VAPA: variants seen among roughly 807,000 people sequenced by gnomAD.
The protein encoded by VAPA is VAMP associated protein A, also known as vesicle-associated membrane protein-associated protein A.
VAPA carries 6 observed loss-of-function variants against 25.6 expected under a neutral mutation model. That is an observed-to-expected ratio of 0.23 (90% CI 0.13 to 0.46). The LOEUF is 0.46. Ranked by LOEUF, VAPA falls within the 20% of genes least tolerant of loss-of-function variation. VAPA has a pLI of 0.99. For synonymous variants in VAPA, 112 were observed against 106.2 expected (o/e 1.05, Z -0.34); for missense variants, 244 against 302.1 (o/e 0.81, Z 1.43).
In VAPA at chr18:9,943,841, CTTTTTTTTTTTTTTTTTTT is replaced by C. The variant is rs71169911; in HGVS notation, c.418-6535_418-6517del. Among the ~76,000 whole-genome samples the C allele has an allele frequency of 5.0e-3, 257 of 51,758 alleles. 3 individuals carry two copies. The highest frequency in any genetic ancestry group is 0.012 in the African/African-American group (189 of 15,562). The allele number at this position is 51,758 out of a possible 152,430, so 34.0% of individuals were successfully genotyped here. ...TGACATTTGAAGGTGACATATTTCC[CTTTTTTTTTTTTTTTTTTT>C]TTTTTTTTTTTTTTTTTTGAGACAG... On this transcript the variant is annotated intron_variant, in intron 4 of 5. Coordinates refer to ENST00000400000, the MANE Select transcript of VAPA (RefSeq NM_194434.3).
At chr18:9,943,944 G>A (rs1288247537) in intron 4 of VAPA, among the ~76,000 whole-genome samples, 7 of 133,630 alleles carry the variant, frequency 5.2e-5, no homozygotes, top group South Asian at 2.5e-4. Flanking sequence ...CACTGTAAGC[G>A]CCGCCTCCCG....
At chr18:9,925,093 C>T (rs2069189392) in intron 1 of VAPA, 1 of 152,046 alleles carries the variant, frequency 6.6e-6, no homozygotes, top group Non-Finnish European at 1.5e-5. Flanking sequence ...GACATGGTCC[C>T]TTCCGGTTGG....
chr18:9,917,027 T>TA lies in VAPA; in HGVS notation c.79+2700dup, dbSNP rs140263554. Among the ~76,000 whole-genome samples the TA allele has an allele frequency of 1.7e-3, 262 of 152,224 alleles. 1 individual carries two copies. Among genetic ancestry groups the TA allele is most frequent in the African/African-American group, 5.9e-3 (247 of 41,536 alleles). ...ACATTTTTCTGTATACCTCAGTATT[T>TA]AAAAAAAAGTTTGTTTTATACAGTC... On this transcript the variant is annotated intron_variant, in intron 1 of 5. Transcript: ENST00000400000.
rs1264985111 is a variant in VAPA, at chr18:9,930,018, A to G, written c.80-1792A>G. Among the ~76,000 whole-genome samples, 6 of 152,290 alleles carry G rather than the reference A, an allele frequency of 3.9e-5. No individual in the cohort carries two copies. The South Asian group carries it at 6.2e-4, about 16-fold the overall frequency. ...TATCGTGAAATGTAAATACTATTTC[A>G]GAATTCGTACAACTCTTGTAGAGTT... On this transcript the variant is annotated intron_variant, in intron 1 of 5. Transcript: ENST00000400000.
chr18:9,936,315 AT>A, intron 3 of VAPA, 102 bp downstream of exon 3: 2 of 725,930 alleles, frequency 2.8e-6, no homozygotes, highest in Non-Finnish European at 4.2e-6. Flanking sequence ...TAAAAGTTAA[AT>A]TTAGGTTTTT....
At chr18:9,945,514 C>T (rs368268706) in intron 4 of VAPA, among the ~76,000 whole-genome samples, 1 of 151,834 alleles carries the variant, frequency 6.6e-6, no homozygotes, top group African/African-American at 2.4e-5. Context: ...CACGTGCCAC[C>T]ATGCCTGGCT....
chr18:9,922,447 G>A (rs953237428), intron 1 of VAPA, among the ~76,000 whole-genome samples: 1 of 152,008 alleles, frequency 6.6e-6, no homozygotes, highest in South Asian at 2.1e-4. Context: ...CTATTACAAA[G>A]AACAAAATCA....
At chr18:9,929,071 T>C (rs988237563) in intron 1 of VAPA, among the ~76,000 whole-genome samples, 1 of 152,172 alleles carries the variant, frequency 6.6e-6, no homozygotes, top group Admixed American at 6.5e-5. Context: ...GTATGATGAG[T>C]GGCATTGCTA....
chr18:9,922,560 A>G (rs948276653), intron 1 of VAPA, among the ~76,000 whole-genome samples: 34 of 152,152 alleles, frequency 2.2e-4, no homozygotes, highest in African/African-American at 7.5e-4. Context: ...AGGCCAGCCA[A>G]TATATATGCT....
rs1374545333 is a variant in VAPA at position 9,954,839 on chromosome 18, C to G, written c.*628C>G. 6.6e-6 allele frequency: 1 copy of G among 152,582 alleles called. No individual in the cohort carries two copies. The highest frequency in any genetic ancestry group is 1.5e-5 in the Non-Finnish European group (1 of 68,040). The allele number at this position is 152,582 out of a possible 1,614,324, so 9.5% of individuals were successfully genotyped here. Reference sequence around the variant, plus strand: ...TTCTTGCTCGATAGCTTGTTTGTGTCTGTCGTGTTATTAGAGGGAACTCCA... The same window carrying G: ...TTCTTGCTCGATAGCTTGTTTGTGTGTGTCGTGTTATTAGAGGGAACTCCA... On this transcript the variant is annotated 3_prime_UTR_variant, in exon 6 of 6. Coordinates refer to ENST00000400000, the MANE Select transcript of VAPA (RefSeq NM_194434.3).
chr18:9,941,980 TTTGACCC>T (rs2069370539), intron 4 of VAPA, among the ~76,000 whole-genome samples: 1 of 152,222 alleles, frequency 6.6e-6, no homozygotes, highest in African/African-American at 2.4e-5. Flanking sequence ...TTTGAGATCT[TTTGACCC>T]TTTATTTTAG....
chr18:9,916,594 G>A (rs149722078), intron 1 of VAPA, among the ~76,000 whole-genome samples: 132 of 152,290 alleles, frequency 8.7e-4, no homozygotes, highest in African/African-American at 3.1e-3. Context: ...GACATTTGGT[G>A]TTTGATTCCT....
intron 4 of VAPA, among the ~76,000 whole-genome samples, chr18:9,939,646 C>G (rs74880944): frequency 0.027 from 4,039 of 151,706 alleles, 64 homozygotes; most frequent in Middle Eastern, 0.071. Context: ...TTTCCCTGTC[C>G]CTGGTATTTC....
At chr18:9,943,964 C>T (rs562707721) in intron 4 of VAPA, among the ~76,000 whole-genome samples, 19 of 147,348 alleles carry the variant, frequency 1.3e-4, no homozygotes, top group Admixed American at 1.4e-4. Context: ...GGGTTCACGC[C>T]GTTCTCCTGC....
At chr18:9,932,629 G>A (rs2069267454) in intron 2 of VAPA, among the ~76,000 whole-genome samples, 2 of 152,146 alleles carry the variant, frequency 1.3e-5, no homozygotes, top group Non-Finnish European at 2.9e-5. Context: ...TAGGAAATAG[G>A]AAGTAAATAT....
chr18:9,949,318 T>C (rs2069462083), intron 4 of VAPA: 2 of 152,230 alleles, frequency 1.3e-5, no homozygotes, highest in African/African-American at 4.8e-5. Context: ...ATGCTGTTGT[T>C]CATTAGAACC....
chr18:9,916,411 C>T (rs979167507), intron 1 of VAPA, among the ~76,000 whole-genome samples: 2 of 152,212 alleles, frequency 1.3e-5, no homozygotes, highest in Non-Finnish European at 2.9e-5. Flanking sequence ...TGCCCCATCC[C>T]TCCCTTAGGA....
intron 2 of VAPA, among the ~76,000 whole-genome samples, chr18:9,933,600 T>G (rs952502564): frequency 6.6e-5 from 10 of 152,170 alleles, no homozygotes; most frequent in Non-Finnish European, 1.2e-4. Flanking sequence ...AGCAGTGGTG[T>G]GATCTCAGGT....
At chr18:9,950,260 ACTG>A (rs1407569056) in intron 4 of VAPA, 132 bp from the exon 5 acceptor site, 2 of 854,300 alleles carry the variant, frequency 2.3e-6, no homozygotes, top group Non-Finnish European at 3.6e-6. Flanking sequence ...GACTAATCTG[ACTG>A]CTGACATGTA....
Sources: gnomAD v4.1 joint callset for allele counts (sites outside exome capture counted in the v4.1 genomes callset) on GRCh38, gnomAD v4.1.1 for gene constraint, MANE v1.5 for transcripts, NCBI Gene and HGNC (gene_info 2026-07-23, HGNC 2026-07-21) for gene names.